CHCHD3: variants seen among roughly 807,000 people sequenced by gnomAD.
CHCHD3 encodes MICOS complex subunit MIC19.
A neutral mutation model predicts 38.2 loss-of-function variants in CHCHD3; 20 were observed. The ratio of observed to expected loss-of-function variants is 0.52; its 90% CI spans 0.37 to 0.76. The LOEUF (loss-of-function observed/expected upper bound fraction) is 0.76, where lower values mean the gene tolerates loss of function less well. Among genes scored for constraint, CHCHD3 ranks in the 30% least tolerant of loss-of-function variants. CHCHD3 has a pLI of 0.00. For synonymous variants in CHCHD3, 82 were observed against 100.0 expected (o/e 0.82, Z 1.07); for missense variants, 245 against 279.2 (o/e 0.88, Z 0.87).
At chr7:133,061,806 AG>A (rs1255694655) in intron 2 of CHCHD3, among the ~76,000 whole-genome samples, 1 of 152,226 alleles carries the variant, frequency 6.6e-6, no homozygotes, top group Non-Finnish European at 1.5e-5. Context: ...TATTGTCATA[AG>A]CATGCCATAG....
At chr7:132,968,376 A>G (rs1028691516) in intron 4 of CHCHD3, among the ~76,000 whole-genome samples, 1 of 152,188 alleles carries the variant, frequency 6.6e-6, no homozygotes, top group Non-Finnish European at 1.5e-5. Context: ...ATTCTCACCA[A>G]TAACACTGAG....
At chr7:132,901,420 G>C (rs1562901995) in intron 4 of CHCHD3, among the ~76,000 whole-genome samples, 1 of 152,208 alleles carries the variant, frequency 6.6e-6, no homozygotes, top group Non-Finnish European at 1.5e-5. Flanking sequence ...GGTGACTGAA[G>C]AGAGACATGC....
chr7:133,020,948 G>A (rs1360025980), intron 3 of CHCHD3, among the ~76,000 whole-genome samples: 2 of 145,324 alleles, frequency 1.4e-5, no homozygotes, highest in Non-Finnish European at 3.0e-5. Flanking sequence ...TTGGTGGGGG[G>A]AGAACGGATA....
intron 4 of CHCHD3, among the ~76,000 whole-genome samples, chr7:132,915,417 C>T (rs554044318): frequency 5.9e-5 from 9 of 152,262 alleles, no homozygotes; most frequent in South Asian, 4.1e-4. Context: ...CACTCCTGCA[C>T]GGTTCCCTCT....
intron 5 of CHCHD3, among the ~76,000 whole-genome samples, chr7:132,874,385 C>G (rs986023828): frequency 1.3e-5 from 2 of 152,176 alleles, no homozygotes; most frequent in African/African-American, 4.8e-5. Context: ...AAAAGAATAG[C>G]AAGTCCTATA....
intron 3 of CHCHD3, among the ~76,000 whole-genome samples, chr7:132,999,627 T>C (rs1035294): frequency 0.36 from 54,259 of 151,872 alleles, 10,619 homozygotes; most frequent in Non-Finnish European, 0.44. Flanking sequence ...TGATAGTTCA[T>C]AAAGTATCTT....
chr7:132,839,043 T>A (rs1317681522), intron 5 of CHCHD3, among the ~76,000 whole-genome samples: 3 of 151,388 alleles, frequency 2.0e-5, no homozygotes, highest in Non-Finnish European at 2.9e-5. Context: ...AAAAAAAAAA[T>A]TAGCTGGGCA....
chr7:132,933,232 G>GA (rs1422717109), intron 4 of CHCHD3, among the ~76,000 whole-genome samples: 1 of 152,136 alleles, frequency 6.6e-6, no homozygotes, highest in Non-Finnish European at 1.5e-5. Flanking sequence ...ATTTTCCACA[G>GA]AATCTAATGG....
At chr7:132,862,158 A>G (rs533432307) in intron 5 of CHCHD3, among the ~76,000 whole-genome samples, 1 of 151,914 alleles carries the variant, frequency 6.6e-6, no homozygotes, top group Non-Finnish European at 1.5e-5. Context: ...AGAAGAAACG[A>G]ATGAAATAAG....
intron 7 of CHCHD3, among the ~76,000 whole-genome samples, chr7:132,796,158 T>C (rs1461849817): frequency 6.6e-6 from 1 of 152,216 alleles, no homozygotes; most frequent in Non-Finnish European, 1.5e-5. Context: ...GGGAACATTA[T>C]TATTAGAAGA....
At chr7:133,074,380 CAAG>C (rs1814915771) in intron 1 of CHCHD3, among the ~76,000 whole-genome samples, 2 of 152,166 alleles carry the variant, frequency 1.3e-5, no homozygotes, top group South Asian at 2.1e-4. Context: ...TCTTGGAAGA[CAAG>C]AAGACTTTCT....
chr7:132,982,841 A>AT (rs944065583), intron 3 of CHCHD3, among the ~76,000 whole-genome samples: 100 of 151,028 alleles, frequency 6.6e-4, no homozygotes, highest in Non-Finnish European at 9.9e-4. Flanking sequence ...ACATATGTGC[A>AT]TTTTTTTTTC....
chr7:133,035,116 C>G lies in CHCHD3; in HGVS notation c.170-10489G>C. 1 of 1,613,698 alleles carries G rather than the reference C, an allele frequency of 6.2e-7. No individual in the cohort carries two copies. The highest frequency in any genetic ancestry group is 8.5e-7 in the Non-Finnish European group (1 of 1,179,708). Reference sequence around the variant, plus strand: ...TTGGCCTTGGGCTCAGCAGCCAGCGCCTGCTCACATTCATCCATCTCCTCC... The same window carrying G: ...TTGGCCTTGGGCTCAGCAGCCAGCGGCTGCTCACATTCATCCATCTCCTCC... On this transcript the variant is annotated intron_variant, in intron 2 of 7. Transcript: ENST00000262570. This position sits in a 1 kb window ranked among gnomAD's most constrained non-coding sequence, Gnocchi z 4.7.
At chr7:132,885,596 T>G in intron 5 of CHCHD3, 66 bp downstream of exon 5, 1 of 1,253,232 alleles carries the variant, frequency 8.0e-7, no homozygotes, top group Non-Finnish European at 1.1e-6. Flanking sequence ...ATTTATTAAT[T>G]TTTAAATAAA....
At chr7:132,916,305 A>C (rs1322046035) in intron 4 of CHCHD3, among the ~76,000 whole-genome samples, 1 of 152,206 alleles carries the variant, frequency 6.6e-6, no homozygotes, top group Non-Finnish European at 1.5e-5. Flanking sequence ...CTCAGTAGGC[A>C]ATATTACAAA....
At chr7:132,831,015 A>G (rs1255979674) in intron 6 of CHCHD3, among the ~76,000 whole-genome samples, 7 of 152,108 alleles carry the variant, frequency 4.6e-5, no homozygotes, top group Non-Finnish European at 2.9e-5. Flanking sequence ...AAAAAGGGGG[A>G]AAAAAGGCCC....
At chr7:132,823,252 C>G (rs922591813) in intron 6 of CHCHD3, among the ~76,000 whole-genome samples, 1 of 151,940 alleles carries the variant, frequency 6.6e-6, no homozygotes, top group Non-Finnish European at 1.5e-5. Context: ...CATTAGTTCC[C>G]CTTTATCCAT....
chr7:132,933,802 T>G (rs984621749), intron 4 of CHCHD3, among the ~76,000 whole-genome samples: 1 of 152,188 alleles, frequency 6.6e-6, no homozygotes, highest in African/African-American at 2.4e-5. Flanking sequence ...CTCTCATGTC[T>G]GAGCAGAAGA....
intron 4 of CHCHD3, among the ~76,000 whole-genome samples, chr7:132,899,906 C>G (rs1435858930): frequency 1.3e-5 from 2 of 152,208 alleles, no homozygotes; most frequent in African/African-American, 2.4e-5. Context: ...TACTAAGCAG[C>G]TAGGCCAGAG....
Sources: gnomAD v4.1 joint callset for allele counts (sites outside exome capture counted in the v4.1 genomes callset) on GRCh38, gnomAD v4.1.1 for gene constraint, Gnocchi (gnomAD v3.1) non-coding constraint, MANE v1.5 for transcripts, NCBI Gene and HGNC (gene_info 2026-07-23, HGNC 2026-07-21) for gene names.